The following CRELD1 variants were observed in gnomAD, a reference collection of about 807,000 sequenced individuals.
The protein encoded by CRELD1 is protein disulfide isomerase CRELD1.
In CRELD1, 42 loss-of-function variants were observed where a neutral mutation model predicts 58.2. The observed-to-expected ratio is 0.72, with a 90% CI of 0.56 to 0.93. CRELD1 has a LOEUF of 0.93. CRELD1 is among the 40% of genes least tolerant of loss of function. The pLI, the probability that CRELD1 is intolerant of heterozygous loss-of-function variation, is 0.00. For missense variants in CRELD1, 500 were observed against 540.6 expected (o/e 0.92, Z 0.74); for synonymous variants, 222 against 202.0 (o/e 1.10, Z -0.84).
chr3:9,934,374 G>T, intron 1 of CRELD1, 46 bp from the exon 2 acceptor site: 5 of 1,436,528 alleles, frequency 3.5e-6, no homozygotes, highest in Non-Finnish European at 4.9e-6. Context: ...TTCTCGCGTG[G>T]GGCCTGACTC....
chr3:9,944,948 T>C lies in CRELD1; in HGVS notation c.*369T>C, dbSNP rs764387461. The C allele has an allele frequency of 8.4e-6, 3 of 355,138 alleles. No homozygotes were observed. The highest frequency in any genetic ancestry group is 1.6e-5 in the Non-Finnish European group (3 of 183,290). 22.0% of individuals were successfully genotyped at this position (355,138 alleles called of 1,614,324 possible). A position where few individuals can be genotyped will look rare whatever the true frequency, so the allele number is the denominator to read the frequency against. On this transcript the variant is annotated 3_prime_UTR_variant, in exon 11 of 11. Transcript: ENST00000452070. ...CTGCCAGCTGCATGCTGCCAGTTCCTGTTCTGTGTTCACCACATCCCCACA... is the reference window on the plus strand; with the variant it reads ...CTGCCAGCTGCATGCTGCCAGTTCCCGTTCTGTGTTCACCACATCCCCACA...
intron 3 of CRELD1, among the ~76,000 whole-genome samples, chr3:9,936,469 A>G (rs998528414): frequency 3.3e-5 from 5 of 151,920 alleles, no homozygotes; most frequent in African/African-American, 7.3e-5. Context: ...GTGTGTATAT[A>G]TATGTGTGTG....
chr3:9,943,820 G>A (rs1000198484), intron 10 of CRELD1: 1 of 1,613,004 alleles, frequency 6.2e-7, no homozygotes, highest in Non-Finnish European at 8.5e-7. Flanking sequence ...CTAGGCCGGG[G>A]GTGTGGTGAG....
At chr3:9,936,878 C>T (rs1210447900) in intron 3 of CRELD1, among the ~76,000 whole-genome samples, 2 of 152,186 alleles carry the variant, frequency 1.3e-5, no homozygotes, top group Non-Finnish European at 2.9e-5. Flanking sequence ...CATACCGTAG[C>T]ATATATCAAT....
At chr3:9,940,153 G>A (rs1298544674) in intron 5 of CRELD1, among the ~76,000 whole-genome samples, 1 of 151,512 alleles carries the variant, frequency 6.6e-6, no homozygotes, top group African/African-American at 2.4e-5. Context: ...ATGGGATGGC[G>A]GCCGGGCAGA....
At chr3:9,940,712 G>C (rs1259982944) in intron 5 of CRELD1, 138 bp from the exon 6 acceptor site, 2 of 627,444 alleles carry the variant, frequency 3.2e-6, no homozygotes, top group African/African-American at 2.0e-5. Context: ...CATGGGGAGA[G>C]GGAGAGGGAA....
At chr3:9,944,327 G>A (rs779358401) in intron 10 of CRELD1, 38 bp from the exon 11 acceptor site, 9 of 1,557,950 alleles carry the variant, frequency 5.8e-6, no homozygotes, top group Non-Finnish European at 8.0e-6. Flanking sequence ...CAGGAACAGG[G>A]ATACGAGTGC....
chr3:9,942,816 T>G lies in CRELD1; in HGVS notation c.737T>G (p.Ile246Ser). 1 of 1,613,682 alleles carries G rather than the reference T, an allele frequency of 6.2e-7. No homozygotes were observed. Among genetic ancestry groups the G allele is most frequent in the Non-Finnish European group, 8.5e-7 (1 of 1,179,564 alleles). ...WALHHLKCVD[I>S]DECGTEGANC... ...CACCCTGCTCACCTCTCTGCAGACA[T>G]TGATGAGTGTGGCACAGAGGGAGCC... The change falls in exon 8 of 11, where the codon ATT becomes AGT. Residue 246 changes from isoleucine (I) to serine (S), a missense_variant. By Grantham distance (142) the Ile-to-Ser change is moderately radical (BLOSUM62 -2). Transcript: ENST00000452070.
Position 9,941,179 on chromosome 3 carries a change from T to C in CRELD1, c.706T>C (p.Trp236Arg). The change falls in exon 7 of 11, where the codon TGG (tryptophan) becomes CGG (arginine). Residue 236 changes from tryptophan (W) to arginine (R), a missense_variant. Trp to Arg is a moderately radical substitution (Grantham distance 101). Coordinates refer to ENST00000452070, the MANE Select transcript of CRELD1 (RefSeq NM_001077415.3). Reference sequence around the variant, plus strand: ...AAACTGTTTGCAATGCAAGAAGGGCTGGGCCCTGCATCACCTCAAGTGTGT... The same window carrying C: ...AAACTGTTTGCAATGCAAGAAGGGCCGGGCCCTGCATCACCTCAAGTGTGT... ...ESNCLQCKKG[W>R]ALHHLKCVDI... 1 of 1,614,130 alleles carries C rather than the reference T, an allele frequency of 6.2e-7. No homozygotes were observed. Among genetic ancestry groups the C allele is most frequent in the African/African-American group, 1.3e-5 (1 of 75,044 alleles).
In CRELD1 at chr3:9,944,616, G is replaced by A. The variant is rs377371035; in HGVS notation, c.*37G>A. On this transcript the variant is annotated 3_prime_UTR_variant, in exon 11 of 11. Transcript: ENST00000452070. ...ACCTGTAGGACCTCCTCCCACCCAC[G>A]CTGCCCCCAGAGCTTGGGCTGCCCT... 5.6e-5 allele frequency: 87 copies of A among 1,544,392 alleles called. No homozygotes were observed. Among genetic ancestry groups the A allele is most frequent in the African/African-American group, 4.9e-4 (36 of 73,518 alleles).
chr3:9,944,594 T>C lies in CRELD1; in HGVS notation c.*15T>C. ...AGGGCAGATAATCGCGGCCACCACCTGTAGGACCTCCTCCCACCCACGCTG... is the reference window on the plus strand; with the variant it reads ...AGGGCAGATAATCGCGGCCACCACCCGTAGGACCTCCTCCCACCCACGCTG... On this transcript the variant is annotated 3_prime_UTR_variant, in exon 11 of 11. Transcript: ENST00000452070. 1 of 1,587,676 alleles carries C rather than the reference T, an allele frequency of 6.3e-7. No homozygotes were observed. The highest frequency in any genetic ancestry group is 1.1e-5 in the South Asian group (1 of 89,676).
intron 1 of CRELD1, 87 bp from the exon 2 acceptor site, chr3:9,934,333 C>A: frequency 9.4e-7 from 1 of 1,065,850 alleles, no homozygotes; most frequent in African/African-American, 1.6e-5. Flanking sequence ...CAGATCCCAG[C>A]GCCACGGCAC....
chr3:9,941,658 C>T (rs1373697923), intron 7 of CRELD1, among the ~76,000 whole-genome samples: 1 of 151,646 alleles, frequency 6.6e-6, no homozygotes, highest in Non-Finnish European at 1.5e-5. Flanking sequence ...GGCGTGGTGG[C>T]GGGTGCCTGT....
intron 8 of CRELD1, 78 bp downstream of exon 8, chr3:9,942,974 C>CCCCT (rs2085409345): frequency 6.5e-7 from 1 of 1,543,650 alleles, no homozygotes; most frequent in Admixed American, 1.7e-5. Flanking sequence ...TCCAAACCTT[C>CCCCT]CCCTTCTCAG....
intron 3 of CRELD1, 179 bp downstream of exon 3, chr3:9,935,096 G>A (rs1234051306): frequency 1.7e-6 from 1 of 597,314 alleles, no homozygotes; most frequent in Non-Finnish European, 3.0e-6. Flanking sequence ...TCACATTCTA[G>A]TAGAGAAGAC....
rs116086677 is a variant in CRELD1 at position 9,944,543 on chromosome 3, T to A, written c.1227T>A (p.Ser409Arg). The change falls in exon 11 of 11, where the codon AGT (serine) becomes AGA (arginine). Residue 409 changes from serine to arginine, a missense_variant. Physicochemically the swap from Ser to Arg is moderately radical, Grantham distance 110. Transcript: ENST00000452070. ...AMTGYWLSERSDRVLEGFIKG... is the reference protein window; with the variant it reads ...AMTGYWLSERRDRVLEGFIKG... The stretch of plus-strand genomic sequence containing the variant: ...CTGGCTACTGGTTGTCAGAGCGCAG[T>A]GACCGTGTGCTGGAGGGCTTCATCA... 6.2e-7 allele frequency: 1 copy of A among 1,610,978 alleles called. No individual in the cohort carries two copies. Among genetic ancestry groups the A allele is most frequent in the East Asian group, 2.2e-5 (1 of 44,874 alleles).
rs747611287 is a variant in CRELD1, at chr3:9,943,848, C to T, written c.1048+333C>T. ...GTGGTGAGATGCAGGGTAATCACAA[C>T]GATGATGGCAGGGACCATTTCCCCA... On this transcript the variant is annotated intron_variant, in intron 10 of 10. Coordinates refer to ENST00000452070, the MANE Select transcript of CRELD1 (RefSeq NM_001077415.3). 2.2e-4 allele frequency: 353 copies of T among 1,613,724 alleles called. 1 individual carries two copies. The highest frequency in any genetic ancestry group is 4.5e-4 in the Admixed American group (27 of 60,004).
intron 3 of CRELD1, 59 bp from the exon 4 acceptor site, chr3:9,937,503 G>C (rs2085226703): frequency 2.7e-6 from 3 of 1,120,932 alleles, no homozygotes; most frequent in Middle Eastern, 2.6e-4. Context: ...AGAGAGACTT[G>C]AGGAGGGTGG....
In CRELD1 at chr3:9,944,586, C is replaced by A; in HGVS notation, c.*7C>A. The A allele has an allele frequency of 6.3e-7, 1 of 1,596,118 alleles. No individual in the cohort carries two copies. Among genetic ancestry groups the A allele is most frequent in the Non-Finnish European group, 8.5e-7 (1 of 1,176,526 alleles). On this transcript the variant is annotated 3_prime_UTR_variant, in exon 11 of 11. Coordinates refer to ENST00000452070, the MANE Select transcript of CRELD1 (RefSeq NM_001077415.3). Reference sequence around the variant, plus strand: ...CTTCATCAAGGGCAGATAATCGCGGCCACCACCTGTAGGACCTCCTCCCAC... The same window carrying A: ...CTTCATCAAGGGCAGATAATCGCGGACACCACCTGTAGGACCTCCTCCCAC...
Sources: allele counts gnomAD v4.1 joint callset (sites outside exome capture counted in the v4.1 genomes callset), GRCh38; gene constraint gnomAD v4.1.1; transcripts MANE v1.5; gene names NCBI Gene and HGNC (gene_info 2026-07-23, HGNC 2026-07-21).